PCDHA6: variants seen among roughly 807,000 people sequenced by gnomAD.
PCDHA6 encodes protocadherin alpha-6.
A neutral mutation model predicts 60.3 loss-of-function variants in PCDHA6; 55 were observed. The observed-to-expected ratio is 0.91, with a 90% CI of 0.73 to 1.14. The LOEUF is 1.14. Ranked by LOEUF, PCDHA6 falls within the 50% of genes most tolerant of loss-of-function variation. The pLI, the probability that PCDHA6 is intolerant of heterozygous loss-of-function variation, is 0.00. For missense variants in PCDHA6, 1,327 were observed against 1,256.5 expected, an observed-to-expected ratio of 1.06 and a Z score of -0.85; for synonymous variants, 652 against 557.9, an observed-to-expected ratio of 1.17 and a Z score of -2.38.
Position 140,881,340 on chromosome 5 carries a change from CG to C in PCDHA6, c.2394+50858del, listed in dbSNP as rs1453642152. Reference sequence around the variant, plus strand: ...ATTCTATTTAACCAGGACGCCGATTCGGGCTACAATGCGTGGCTTTCGTATG... The same window carrying C: ...ATTCTATTTAACCAGGACGCCGATTCGGCTACAATGCGTGGCTTTCGTATG... On this transcript the variant is annotated intron_variant, in intron 1 of 3. Coordinates refer to ENST00000529310, the MANE Select transcript of PCDHA6 (RefSeq NM_018909.4). The C allele has an allele frequency of 3.0e-6, 3 of 984,934 alleles. No individual in the cohort carries two copies. The African/African-American group carries it at 5.2e-5, about 17-fold the overall frequency. The allele number at this position is 984,934 out of a possible 1,614,324, so 61.0% of individuals were successfully genotyped here. A position where few individuals can be genotyped will look rare whatever the true frequency, so the allele number is the denominator to read the frequency against.
Position 140,830,392 on chromosome 5 carries a change from G to T in PCDHA6, c.2301G>T (p.Met767Ile). 2 of 1,614,160 alleles carry T rather than the reference G, an allele frequency of 1.2e-6. No individual in the cohort carries two copies. The highest frequency in any genetic ancestry group is 8.5e-7 in the Non-Finnish European group (1 of 1,180,012). The change falls in exon 1 of 4, where the codon ATG becomes ATT. Residue 767 changes from methionine (M) to isoleucine (I), a missense_variant. Met to Ile is a conservative substitution (Grantham distance 10). Coordinates refer to ENST00000529310, the MANE Select transcript of PCDHA6 (RefSeq NM_018909.4). ...RVCSGEGPPK[M>I]DLMAFSPSLS... ...GCTCCGGGGAGGGCCCACCCAAGAT[G>T]GATCTCATGGCCTTTAGCCCCAGCC...
At chr5:140,904,176 C>T (rs782427504) in intron 1 of PCDHA6, among the ~76,000 whole-genome samples, 31 of 152,098 alleles carry the variant, frequency 2.0e-4, no homozygotes, top group African/African-American at 6.7e-4. Context: ...TTTTATTCCT[C>T]ACCCCCTTCC....
At chr5:140,835,944 C>T (rs2150248798) in intron 1 of PCDHA6, 2 of 1,612,686 alleles carry the variant, frequency 1.2e-6, no homozygotes, top group Admixed American at 1.7e-5. Flanking sequence ...GTACGCGCTG[C>T]AGCCGTTGGA....
chr5:140,853,024 G>T, intron 1 of PCDHA6: 1 of 260,054 alleles, frequency 3.8e-6, no homozygotes, highest in Non-Finnish European at 6.3e-6. Context: ...GACTACAGGC[G>T]CCTGCCACCA....
intron 1 of PCDHA6, among the ~76,000 whole-genome samples, chr5:140,899,276 A>G (rs1402457704): frequency 2.8e-4 from 42 of 152,318 alleles, no homozygotes; most frequent in African/African-American, 9.4e-4. Flanking sequence ...GGCAGTTTTC[A>G]AAGGGAATAC....
rs1351145867 is a variant in PCDHA6, at chr5:141,012,314, G to T, written c.*2377G>T. On this transcript the variant is annotated 3_prime_UTR_variant, in exon 4 of 4. Coordinates refer to ENST00000529310, the MANE Select transcript of PCDHA6 (RefSeq NM_018909.4). ...AATTGGTGCTATTGGTATTTCCTCTGTTATTGCTAATAAATGAAAATGGTG... is the reference window on the plus strand; with the variant it reads ...AATTGGTGCTATTGGTATTTCCTCTTTTATTGCTAATAAATGAAAATGGTG... The T allele has an allele frequency of 6.5e-6, 1 of 153,728 alleles. No individual in the cohort carries two copies. The highest frequency in any genetic ancestry group is 2.4e-5 in the African/African-American group (1 of 41,440). 9.5% of individuals were successfully genotyped at this position (153,728 alleles called of 1,614,324 possible). A position where few individuals can be genotyped will look rare whatever the true frequency, so the allele number is the denominator to read the frequency against.
Position 140,968,451 on chromosome 5 carries a change from C to T in PCDHA6, c.2395-10498C>T, listed in dbSNP as rs782416830. 9 of 1,614,130 alleles carry T rather than the reference C, an allele frequency of 5.6e-6. No homozygotes were observed. The South Asian group carries it at 9.9e-5, about 18-fold the overall frequency. ...AAGGGGAGCCCACCACTGAGCAGCACTGTGACTGCCAACGTATATGTGGTG... is the reference window on the plus strand; with the variant it reads ...AAGGGGAGCCCACCACTGAGCAGCATTGTGACTGCCAACGTATATGTGGTG... On this transcript the variant is annotated intron_variant, in intron 1 of 3. Transcript: ENST00000529310.
At chr5:140,837,739 G>A (rs1207886086) in intron 1 of PCDHA6, among the ~76,000 whole-genome samples, 2 of 151,316 alleles carry the variant, frequency 1.3e-5, no homozygotes, top group Non-Finnish European at 2.9e-5. Flanking sequence ...TGCAGTGGTG[G>A]GATTATAGCC....
intron 1 of PCDHA6, among the ~76,000 whole-genome samples, chr5:140,906,069 T>C (rs2072342341): frequency 6.6e-6 from 1 of 152,204 alleles, no homozygotes; most frequent in African/African-American, 2.4e-5. Flanking sequence ...GCTGATTAGA[T>C]CGCACCCACC....
At chr5:140,861,094 C>G (rs1554154151) in intron 1 of PCDHA6, 1 of 152,400 alleles carries the variant, frequency 6.6e-6, no homozygotes, top group African/African-American at 2.4e-5. Context: ...CTCCATTGTT[C>G]CTGTACTTTA....
At chr5:140,841,820 G>A in intron 1 of PCDHA6, 2 of 1,613,910 alleles carry the variant, frequency 1.2e-6, no homozygotes, top group Non-Finnish European at 1.7e-6. Context: ...AGCTAACTCC[G>A]TGTTAACCTA....
At chr5:140,927,489 C>T (rs147183638) in intron 1 of PCDHA6, 63 of 1,614,126 alleles carry the variant, frequency 3.9e-5, no homozygotes, top group Non-Finnish European at 4.8e-5. Flanking sequence ...GCGCCACCCA[C>T]CTGCTGGTGC....
In PCDHA6 at chr5:140,857,452, G is replaced by T. The variant is rs782723934; in HGVS notation, c.2394+26967G>T. 4.4e-6 allele frequency: 7 copies of T among 1,598,562 alleles called. No individual in the cohort carries two copies. The East Asian group carries it at 6.7e-5, about 15-fold the overall frequency. ...CGGTGTTCGTGAAGGAGAACAACCC[G>T]CCAGGCTGCCACATCTTCACGGTGT... On this transcript the variant is annotated intron_variant, in intron 1 of 3. Transcript: ENST00000529310.
At chr5:141,002,491 A>G (rs1244268735) in intron 3 of PCDHA6, among the ~76,000 whole-genome samples, 1 of 152,214 alleles carries the variant, frequency 6.6e-6, no homozygotes, top group Non-Finnish European at 1.5e-5. Flanking sequence ...TGACCTTGTT[A>G]TACAGCTCAG....
chr5:140,841,293 TA>T (rs1554138064), intron 1 of PCDHA6: 1 of 1,494,496 alleles, frequency 6.7e-7, no homozygotes, highest in African/African-American at 1.4e-5. Flanking sequence ...ATTAAGATAA[TA>T]TTTTCTGATA....
intron 1 of PCDHA6, among the ~76,000 whole-genome samples, chr5:140,844,211 T>G (rs1162021656): frequency 2.0e-5 from 3 of 149,836 alleles, no homozygotes; most frequent in Admixed American, 6.7e-5. Context: ...TGTCTGGTAG[T>G]CACAAATATC....
rs111391918 is a variant in PCDHA6 at position 140,984,395 on chromosome 5, G to A, written c.2542+1832G>A. ...CCCTCTTTCAGATTCAAAAAATGTTGAGAACCTATCTTTTTTACAGAGATA... is the reference window on the plus strand; with the variant it reads ...CCCTCTTTCAGATTCAAAAAATGTTAAGAACCTATCTTTTTTACAGAGATA... On this transcript the variant is annotated intron_variant, in intron 3 of 3. Coordinates refer to ENST00000529310, the MANE Select transcript of PCDHA6 (RefSeq NM_018909.4). 6.4e-3 allele frequency among the ~76,000 whole-genome samples: 978 copies of A among 152,194 alleles called. 14 individuals are homozygous for A. Among genetic ancestry groups the A allele is most frequent in the African/African-American group, 0.023 (947 of 41,508 alleles).
chr5:140,856,342 C>T (rs1286159283), intron 1 of PCDHA6: 3 of 1,598,498 alleles, frequency 1.9e-6, no homozygotes, highest in Non-Finnish European at 2.6e-6. Context: ...GCGGGCGGAG[C>T]GTGGAGTGCA....
chr5:140,958,867 T>A (rs1312043891), intron 1 of PCDHA6, among the ~76,000 whole-genome samples: 1 of 152,146 alleles, frequency 6.6e-6, no homozygotes, highest in Admixed American at 6.5e-5. Context: ...ACTGGGTTTA[T>A]AAAAGAATTG....
Sources: gnomAD v4.1 joint callset for allele counts (sites outside exome capture counted in the v4.1 genomes callset) on GRCh38, gnomAD v4.1.1 for gene constraint, MANE v1.5 for transcripts, NCBI Gene and HGNC (gene_info 2026-07-23, HGNC 2026-07-21) for gene names.